Variants in NTRK2 observed in about 807,000 individuals in gnomAD.
The protein encoded by NTRK2 is BDNF/NT-3 growth factors receptor.
Under a neutral mutation model 94.5 loss-of-function variants are expected in NTRK2, and 13 were observed. The ratio of observed to expected loss-of-function variants is 0.14; its 90% CI spans 0.09 to 0.22. The LOEUF (loss-of-function observed/expected upper bound fraction) is 0.22. Ranked by LOEUF, NTRK2 falls within the 10% of genes least tolerant of loss-of-function variation. NTRK2 has a pLI of 1.00. For missense variants in NTRK2, 639 were observed against 1,071.2 expected (o/e 0.60, Z 5.63); for synonymous variants, 372 against 407.4 (o/e 0.91, Z 1.05).
chr9:84,770,342 G>A (rs1273330773), intron 12 of NTRK2, among the ~76,000 whole-genome samples: 1 of 152,186 alleles, frequency 6.6e-6, no homozygotes, highest in East Asian at 1.9e-4. Flanking sequence ...TAATTTACAA[G>A]TTCTCTGCAG....
chr9:84,922,484 C>A (rs376604430), intron 14 of NTRK2, among the ~76,000 whole-genome samples: 1 of 152,224 alleles, frequency 6.6e-6, no homozygotes, highest in African/African-American at 2.4e-5. Flanking sequence ...CTGTTAGACT[C>A]TCCATCTTTT....
chr9:84,811,073 C>G (rs1588760918), intron 12 of NTRK2: 1 of 1,072,358 alleles, frequency 9.3e-7, no homozygotes. Flanking sequence ...TTTCTATACT[C>G]TAATCAGCAC....
chr9:84,760,338 G>T (rs1333797542), intron 12 of NTRK2, among the ~76,000 whole-genome samples: 3 of 152,130 alleles, frequency 2.0e-5, no homozygotes, highest in Non-Finnish European at 4.4e-5. Flanking sequence ...TTACTTTTCA[G>T]ATTTATGTTT....
chr9:84,673,555 G>A (rs547852904), intron 2 of NTRK2, among the ~76,000 whole-genome samples: 3 of 151,966 alleles, frequency 2.0e-5, no homozygotes, highest in East Asian at 3.9e-4. Flanking sequence ...CTGAAACAAC[G>A]GTTTACCATA....
intron 12 of NTRK2, among the ~76,000 whole-genome samples, chr9:84,781,015 A>AT (rs1360800518): frequency 6.6e-6 from 1 of 152,142 alleles, no homozygotes; most frequent in East Asian, 1.9e-4. Flanking sequence ...CATCACACTA[A>AT]TTTTTTTTAT....
intron 12 of NTRK2, among the ~76,000 whole-genome samples, chr9:84,824,725 ACTTGTCCGCTG>A (rs1462329124): frequency 6.6e-6 from 1 of 152,172 alleles, no homozygotes; most frequent in Non-Finnish European, 1.5e-5. Context: ...TATGAGACAC[ACTTGTCCGCTG>A]CTGGAAAGGT....
chr9:84,677,064 G>A (rs1268531643), intron 2 of NTRK2, among the ~76,000 whole-genome samples: 4 of 152,140 alleles, frequency 2.6e-5, no homozygotes, highest in Non-Finnish European at 5.9e-5. Flanking sequence ...TGAGTTGGCA[G>A]CAATGAGGTA....
chr9:84,692,468 C>CTTTTTTTTTTTTT (rs71369138), intron 2 of NTRK2, among the ~76,000 whole-genome samples: 2 of 87,694 alleles, frequency 2.3e-5, no homozygotes, highest in Non-Finnish European at 2.1e-5. Flanking sequence ...TTCTTTTTTT[C>CTTTTTTTTTTTTT]TTTTTTTTTT....
intron 11 of NTRK2, among the ~76,000 whole-genome samples, chr9:84,746,045 C>G (rs1311116350): frequency 6.6e-6 from 1 of 152,112 alleles, no homozygotes; most frequent in Non-Finnish European, 1.5e-5. Flanking sequence ...GTCCATATCT[C>G]CTTACCTCCA....
chr9:84,742,304 T>C (rs1452355544), intron 10 of NTRK2, among the ~76,000 whole-genome samples: 1 of 152,224 alleles, frequency 6.6e-6, no homozygotes, highest in African/African-American at 2.4e-5. Context: ...GTTTCTTGTG[T>C]AATGAAGGTG....
At chr9:84,989,777 T>C (rs903356539) in intron 17 of NTRK2, among the ~76,000 whole-genome samples, 2 of 152,228 alleles carry the variant, frequency 1.3e-5, no homozygotes, top group African/African-American at 4.8e-5. Flanking sequence ...AATGTCTTTT[T>C]TTTGTAGTCT....
intron 14 of NTRK2, among the ~76,000 whole-genome samples, chr9:84,925,201 C>CTT (rs562875058): frequency 0.015 from 2,079 of 141,264 alleles, 28 homozygotes; most frequent in East Asian, 0.026. Flanking sequence ...TTCTCTTCTT[C>CTT]TTTTTTTTTT....
intron 14 of NTRK2, among the ~76,000 whole-genome samples, chr9:84,899,787 G>A (rs796890569): frequency 6.6e-5 from 10 of 152,294 alleles, no homozygotes; most frequent in African/African-American, 2.4e-4. Flanking sequence ...AATGAAAAAC[G>A]TGTCTGGATG....
chr9:84,865,988 G>C (rs1307112873), intron 13 of NTRK2, among the ~76,000 whole-genome samples: 1 of 152,238 alleles, frequency 6.6e-6, no homozygotes, highest in African/African-American at 2.4e-5. Context: ...ACAAGATACA[G>C]TAGACTGTAT....
At chr9:84,689,217 T>C (rs1267246133) in intron 2 of NTRK2, among the ~76,000 whole-genome samples, 1 of 152,260 alleles carries the variant, frequency 6.6e-6, no homozygotes, top group Non-Finnish European at 1.5e-5. Flanking sequence ...AGCATGACAC[T>C]GAACAGCCTG....
intron 14 of NTRK2, among the ~76,000 whole-genome samples, chr9:84,868,679 G>C (rs2075707088): frequency 6.6e-6 from 1 of 152,120 alleles, no homozygotes; most frequent in African/African-American, 2.4e-5. Flanking sequence ...GTGTGAACAA[G>C]GTGAGTAGAG....
intron 14 of NTRK2, among the ~76,000 whole-genome samples, chr9:84,931,392 G>A (rs567930730): frequency 3.4e-5 from 5 of 148,450 alleles, no homozygotes; most frequent in Admixed American, 2.0e-4. Context: ...GGGCGACAGA[G>A]CGAGACTCTG....
intron 12 of NTRK2, among the ~76,000 whole-genome samples, chr9:84,780,406 A>G (rs954621016): frequency 1.3e-5 from 2 of 152,152 alleles, no homozygotes; most frequent in Non-Finnish European, 2.9e-5. Flanking sequence ...CCTTAATGGA[A>G]CACATAAGCA....
At chr9:84,909,768 A>G (rs1040421892) in intron 14 of NTRK2, among the ~76,000 whole-genome samples, 21 of 151,624 alleles carry the variant, frequency 1.4e-4, no homozygotes, top group African/African-American at 4.6e-4. Flanking sequence ...TTCATCTTCT[A>G]ATTGGATTGT....
Sources: gnomAD v4.1 joint callset for allele counts (sites outside exome capture counted in the v4.1 genomes callset) on GRCh38, gnomAD v4.1.1 for gene constraint, MANE v1.5 for transcripts, NCBI Gene and HGNC (gene_info 2026-07-23, HGNC 2026-07-21) for gene names.